Variants in DUSP8 observed in about 807,000 individuals in gnomAD.
DUSP8 encodes dual specificity phosphatase 8, also known as dual specificity protein phosphatase 8.
A neutral mutation model predicts 38.7 loss-of-function variants in DUSP8; 15 were observed. The observed-to-expected ratio is 0.39, with a 90% CI of 0.26 to 0.60. DUSP8 has a LOEUF of 0.60. Among genes scored for constraint, DUSP8 ranks in the 20% least tolerant of loss-of-function variants. The probability of loss-of-function intolerance (pLI) is 0.56; values close to 1 mark genes in which losing one functional copy is unlikely to be tolerated. For synonymous variants in DUSP8, 458 were observed against 433.9 expected (o/e 1.06, Z -0.69); for missense variants, 768 against 915.0 (o/e 0.84, Z 2.07).
At chr11:1,563,434 C>G (rs1299496987) in intron 3 of DUSP8, among the ~76,000 whole-genome samples, 5 of 152,106 alleles carry the variant, frequency 3.3e-5, no homozygotes, top group African/African-American at 9.7e-5. Flanking sequence ...CTGCTGGGAC[C>G]CAGGCAGCAG....
At chr11:1,571,096 G>A (rs1447843318) in intron 1 of DUSP8, among the ~76,000 whole-genome samples, 1 of 152,160 alleles carries the variant, frequency 6.6e-6, no homozygotes, top group African/African-American at 2.4e-5. Flanking sequence ...CAGGGAGACG[G>A]AGGCAGATTC....
Position 1,556,525 on chromosome 11 carries a change from A to C in DUSP8, c.1871T>G (p.Val624Gly). ...CCGAGGGCAGCGGAGGGGTCAGGAC[A>C]CCTCGATGACCTCCACGCTGCCCGA... ...SFSGSVEVIE[V>G]S The change falls in exon 7 of 7, where the codon GTG (valine) becomes GGG (glycine). Residue 624 changes from valine (V) to glycine (G), a missense_variant. By Grantham distance (109) the Val-to-Gly change is moderately radical (BLOSUM62 -3). Coordinates refer to ENST00000397374, the MANE Select transcript of DUSP8 (RefSeq NM_004420.3). The surrounding 1 kb of genome is among the most constrained non-coding windows in gnomAD (Gnocchi z 5.2). The C allele has an allele frequency of 7.6e-7, 1 of 1,307,896 alleles. No individual in the cohort carries two copies. The highest frequency in any genetic ancestry group is 9.7e-7 in the Non-Finnish European group (1 of 1,026,018). 81.0% of individuals were successfully genotyped at this position (1,307,896 alleles called of 1,614,324 possible).
intron 3 of DUSP8, among the ~76,000 whole-genome samples, chr11:1,563,221 G>T (rs1180840077): frequency 6.6e-6 from 1 of 152,176 alleles, no homozygotes; most frequent in Non-Finnish European, 1.5e-5. Flanking sequence ...TCCGGCTCTG[G>T]GACCTGGGCC....
chr11:1,561,716 G>A (rs12421448), intron 3 of DUSP8, among the ~76,000 whole-genome samples: 12,445 of 152,316 alleles, frequency 0.082, 677 homozygotes, highest in Non-Finnish European at 0.12. Context: ...TCACATTCCG[G>A]CCTCTACTGT....
In DUSP8 at chr11:1,558,640, G is replaced by A. The variant is rs1339631130; in HGVS notation, c.537+249C>T. 6.6e-6 allele frequency among the ~76,000 whole-genome samples: 1 copy of A among 152,144 alleles called. No individual in the cohort carries two copies. The highest frequency in any genetic ancestry group is 6.5e-5 in the Admixed American group (1 of 15,286). On this transcript the variant is annotated intron_variant, in intron 4 of 6. Transcript: ENST00000397374. The surrounding 1 kb of genome is among the most constrained non-coding windows in gnomAD (Gnocchi z 6.3). Reference sequence around the variant, plus strand: ...AGAGGCCCAGTGACATCCGCAGCTTGGCATGCCAGCTCCCCGCTCCTCCCC... The same window carrying A: ...AGAGGCCCAGTGACATCCGCAGCTTAGCATGCCAGCTCCCCGCTCCTCCCC...
Position 1,559,023 on chromosome 11 carries a change from C to A in DUSP8, c.403G>T (p.Gly135Cys). ...GFATFSSCFP[G>C]LCEGKPAALL... ...GCAGCAGGCTTGCCCTCGCAGAGGC[C>A]GGGGAAGCAGGAGGAGAAGGTGGCG... is the stretch of plus-strand genomic sequence containing the variant. The change falls in exon 4 of 7, where the codon GGC becomes TGC. Residue 135 changes from glycine (G) to cysteine (C), a missense_variant. Physicochemically the swap from Gly to Cys is radical, Grantham distance 159. Transcript: ENST00000397374. 6.2e-7 allele frequency: 1 copy of A among 1,610,602 alleles called. No individual in the cohort carries two copies.
At chr11:1,561,195 C>T (rs1206933249) in intron 3 of DUSP8, among the ~76,000 whole-genome samples, 3 of 152,114 alleles carry the variant, frequency 2.0e-5, no homozygotes, top group Non-Finnish European at 4.4e-5. Context: ...ACCCCTACCC[C>T]CAGGCATCTC....
chr11:1,565,931 G>T lies in DUSP8; in HGVS notation c.-105C>A. On this transcript the variant is annotated 5_prime_UTR_variant, in exon 2 of 7. Transcript: ENST00000397374. The stretch of plus-strand genomic sequence containing the variant: ...TGGGAGTGACCTAGCACATGGTGCT[G>T]GACCTGCAGGGACAGGGGGATGGTC... The T allele has an allele frequency of 1.1e-6, 1 of 927,378 alleles. No homozygotes were observed. Among genetic ancestry groups the T allele is most frequent in the Non-Finnish European group, 1.7e-6 (1 of 591,330 alleles). 57.4% of individuals were successfully genotyped at this position (927,378 alleles called of 1,614,324 possible).
In DUSP8 at chr11:1,555,499, G is replaced by GCC; in HGVS notation, c.*1018_*1019insGG. ...GGGGCATGGCTGGGAGGGGGGCGGG[G>GCC]CAGACCTGGAACAGAACCCTAAGAC... On this transcript the variant is annotated 3_prime_UTR_variant, in exon 7 of 7. Transcript: ENST00000397374. 1 of 348,840 alleles carries GCC rather than the reference G, an allele frequency of 2.9e-6. No homozygotes were observed. Among genetic ancestry groups the GCC allele is most frequent in the Non-Finnish European group, 4.0e-6 (1 of 248,808 alleles). The allele number at this position is 348,840 out of a possible 1,614,324, so 21.6% of individuals were successfully genotyped here. A position where few individuals can be genotyped will look rare whatever the true frequency, so the allele number is the denominator to read the frequency against.
In DUSP8 at chr11:1,554,545, A is replaced by C. The variant is rs1279666493; in HGVS notation, c.*1973T>G. The C allele has an allele frequency of 1.4e-6, 1 of 699,270 alleles. No homozygotes were observed. The highest frequency in any genetic ancestry group is 1.9e-5 in the African/African-American group (1 of 51,810). The allele number at this position is 699,270 out of a possible 1,614,324, so 43.3% of individuals were successfully genotyped here. A position where few individuals can be genotyped will look rare whatever the true frequency, so the allele number is the denominator to read the frequency against. Reference sequence around the variant, plus strand: ...ACCTTCGCCCCCCTGCTGGCTGCTCACTTTGCGGTAACCAGTGCCTCAAGA... The same window carrying C: ...ACCTTCGCCCCCCTGCTGGCTGCTCCCTTTGCGGTAACCAGTGCCTCAAGA... On this transcript the variant is annotated 3_prime_UTR_variant, in exon 7 of 7. Transcript: ENST00000397374.
Position 1,557,144 on chromosome 11 carries a change from C to G in DUSP8, c.1252G>C (p.Glu418Gln). ...TCCAGCTTGCAGAGCTTCGGGGCCTCGCCGGGGTCGGGGGGCCCGGGGCCG... is the reference window on the plus strand; with the variant it reads ...TCCAGCTTGCAGAGCTTCGGGGCCTGGCCGGGGTCGGGGGGCCCGGGGCCG... ...PDGPGPPDPG[E>Q]APKLCKLDSP... The change falls in exon 7 of 7, where the codon GAG (glutamate) becomes CAG (glutamine). Residue 418 changes from glutamate (E) to glutamine (Q), a missense_variant. Physicochemically the swap from Glu to Gln is conservative, Grantham distance 29. Transcript: ENST00000397374. The surrounding 1 kb of genome is among the most constrained non-coding windows in gnomAD (Gnocchi z 9.9). 7.0e-7 allele frequency: 1 copy of G among 1,427,334 alleles called. No individual in the cohort carries two copies. Among genetic ancestry groups the G allele is most frequent in the South Asian group, 1.4e-5 (1 of 69,988 alleles). The allele number at this position is 1,427,334 out of a possible 1,614,324, so 88.4% of individuals were successfully genotyped here. A position where few individuals can be genotyped will look rare whatever the true frequency, so the allele number is the denominator to read the frequency against.
chr11:1,571,647 A>C (rs1047217313), intron 1 of DUSP8: 4 of 151,918 alleles, frequency 2.6e-5, no homozygotes, highest in Admixed American at 2.6e-4. Context: ...TGCGGGGAGA[A>C]GGGCGGCAAC....
At chr11:1,566,795 A>G (rs1046820260) in intron 1 of DUSP8, among the ~76,000 whole-genome samples, 9 of 152,124 alleles carry the variant, frequency 5.9e-5, no homozygotes, top group Admixed American at 5.9e-4. Context: ...GGGACCCCGC[A>G]GGTGCCAGGC....
At chr11:1,571,757 C>T (rs1848902360) in intron 1 of DUSP8, 144 bp downstream of exon 1, 1 of 151,174 alleles carries the variant, frequency 6.6e-6, no homozygotes. Flanking sequence ...CGTGGCCGCT[C>T]ATTCCGGGGC....
In DUSP8 at chr11:1,558,163, TGTC is replaced by T; in HGVS notation, c.643_645del (p.Asp215del). On this transcript the variant is annotated inframe_deletion, in exon 5 of 7. Transcript: ENST00000397374. This position sits in a 1 kb window ranked among gnomAD's most constrained non-coding sequence, Gnocchi z 6.3. ...CAGGGCAGCAGTTTTTCACAGTAGT[TGTC>T]GTTGATGGGGACCCGCATGAAGCGG... 1.2e-6 allele frequency: 2 copies of T among 1,611,750 alleles called. No individual in the cohort carries two copies. Among genetic ancestry groups the T allele is most frequent in the Non-Finnish European group, 1.7e-6 (2 of 1,179,800 alleles).
At chr11:1,560,704 G>A (rs1489991384) in intron 3 of DUSP8, among the ~76,000 whole-genome samples, 2 of 152,204 alleles carry the variant, frequency 1.3e-5, no homozygotes, top group Non-Finnish European at 2.9e-5. Flanking sequence ...TCACTGTTCT[G>A]AGCTGGGGTA....
In DUSP8 at chr11:1,563,831, G is replaced by GGCAC; in HGVS notation, c.370+19_370+20insGTGC. On this transcript the variant is annotated intron_variant, in intron 3 of 6. Transcript: ENST00000397374. ...GCTGGCGGAGCAAGTGCCTCGGGGAGGCGTGGGTCATGGACTCACCAGTGA... is the reference window on the plus strand; with the variant it reads ...GCTGGCGGAGCAAGTGCCTCGGGGAGGCACGCGTGGGTCATGGACTCACCAGTGA... 6.8e-7 allele frequency: 1 copy of GGCAC among 1,463,094 alleles called. No homozygotes were observed. The allele number at this position is 1,463,094 out of a possible 1,614,324, so 90.6% of individuals were successfully genotyped here.
In DUSP8 at chr11:1,565,694, T is replaced by C. The variant is rs1280259535; in HGVS notation, c.133A>G (p.Ser45Gly). ...TTGGAGCAGCAGATGTTGACGGAGCTGAGCACATGCCAGCTGTTGTACTCC... is the reference window on the plus strand; with the variant it reads ...TTGGAGCAGCAGATGTTGACGGAGCCGAGCACATGCCAGCTGTTGTACTCC... ...FVEYNSWHVL[S>G]SVNICCSKLV... The change falls in exon 2 of 7, where the codon AGC becomes GGC. Residue 45 changes from serine to glycine, a missense_variant. Around this residue, in one of 3 missense-constraint regions of DUSP8, gnomAD observed 252 missense variants for 410.4 expected, o/e 0.61. Coordinates refer to ENST00000397374, the MANE Select transcript of DUSP8 (RefSeq NM_004420.3). The C allele has an allele frequency of 5.6e-6, 9 of 1,611,868 alleles. No individual in the cohort carries two copies.
At position 1,556,989 on chromosome 11, in the gene DUSP8, C is replaced by A. The variant is rs1013540981; in HGVS notation, c.1407G>T (p.Ala469=). The change falls in exon 7 of 7, where the codon GCG becomes GCT. Residue 469 remains alanine, a synonymous_variant. Transcript: ENST00000397374. This position sits in a 1 kb window ranked among gnomAD's most constrained non-coding sequence, Gnocchi z 5.2. The part of the protein sequence containing the change: ...PPAGSPARSP[A]HSLGLNFGDA... Reference sequence around the variant, plus strand: ...CGCCGAAGTTCAGGCCGAGGCTGTGCGCGGGGGAGCGCGCGGGGGAGCCGG... The same window carrying A: ...CGCCGAAGTTCAGGCCGAGGCTGTGAGCGGGGGAGCGCGCGGGGGAGCCGG... The A allele has an allele frequency of 2.9e-6, 3 of 1,023,022 alleles. No individual in the cohort carries two copies. The highest frequency in any genetic ancestry group is 3.5e-5 in the African/African-American group (2 of 57,458). The allele number at this position is 1,023,022 out of a possible 1,614,324, so 63.4% of individuals were successfully genotyped here. A position where few individuals can be genotyped will look rare whatever the true frequency, so the allele number is the denominator to read the frequency against.
Sources: allele counts gnomAD v4.1 joint callset (sites outside exome capture counted in the v4.1 genomes callset), GRCh38; gene constraint gnomAD v4.1.1; regional missense constraint gnomAD v4.1.1; non-coding constraint Gnocchi (gnomAD v3.1); transcripts MANE v1.5; gene names NCBI Gene and HGNC (gene_info 2026-07-23, HGNC 2026-07-21).